The following NME7 variants were observed in gnomAD, a reference collection of about 807,000 sequenced individuals.
NME7 encodes NME/NM23 family member 7, also known as nucleoside diphosphate kinase 7.
A neutral mutation model predicts 49.1 loss-of-function variants in NME7; 41 were observed. The observed-to-expected ratio is 0.83, with a 90% CI of 0.65 to 1.08. NME7 has a LOEUF of 1.08. NME7 is among the 50% of genes least tolerant of loss of function. The probability of loss-of-function intolerance (pLI) is 0.00; values close to 1 mark genes in which losing one functional copy is unlikely to be tolerated. For synonymous variants in NME7, 139 were observed against 150.6 expected, an observed-to-expected ratio of 0.92 and a Z score of 0.56; for missense variants, 423 against 463.4, an observed-to-expected ratio of 0.91 and a Z score of 0.80.
At chr1:169,251,480 T>C (rs1350189403) in intron 7 of NME7, among the ~76,000 whole-genome samples, 4 of 152,018 alleles carry the variant, frequency 2.6e-5, no homozygotes, top group Non-Finnish European at 5.9e-5. Context: ...TTATATCCAA[T>C]GTTAATATTG....
chr1:169,299,257 A>G (rs1650833694), intron 5 of NME7, among the ~76,000 whole-genome samples: 1 of 141,940 alleles, frequency 7.0e-6, no homozygotes, highest in Non-Finnish European at 1.6e-5. Context: ...ATAAACACTG[A>G]GCTGGTTTGG....
chr1:169,348,286 T>C (rs1653016145), intron 1 of NME7, among the ~76,000 whole-genome samples: 1 of 152,050 alleles, frequency 6.6e-6, no homozygotes, highest in Non-Finnish European at 1.5e-5. Flanking sequence ...ACATTATTTT[T>C]ATTTTGTAGT....
intron 10 of NME7, among the ~76,000 whole-genome samples, chr1:169,175,051 A>C (rs1223169868): frequency 6.6e-6 from 1 of 151,834 alleles, no homozygotes; most frequent in Non-Finnish European, 1.5e-5. Context: ...TTAAAACACA[A>C]ACACATTGTA....
intron 10 of NME7, among the ~76,000 whole-genome samples, chr1:169,203,270 C>T (rs899939594): frequency 6.6e-6 from 1 of 152,222 alleles, no homozygotes; most frequent in South Asian, 2.1e-4. Flanking sequence ...GACACCCAGC[C>T]CTCAATGTTT....
chr1:169,339,600 G>A (rs2101959321), intron 1 of NME7, among the ~76,000 whole-genome samples: 1 of 152,264 alleles, frequency 6.6e-6, no homozygotes, highest in East Asian at 1.9e-4. Flanking sequence ...AACACACTGA[G>A]CCAAGTCTTG....
intron 1 of NME7, among the ~76,000 whole-genome samples, chr1:169,348,829 GA>G (rs1557834453): frequency 6.7e-6 from 1 of 150,170 alleles, no homozygotes; most frequent in Non-Finnish European, 1.5e-5. Flanking sequence ...ATATCCACTA[GA>G]AACTGAGTTT....
chr1:169,321,758 T>C (rs548570172), intron 3 of NME7, among the ~76,000 whole-genome samples: 1 of 152,214 alleles, frequency 6.6e-6, no homozygotes, highest in African/African-American at 2.4e-5. Context: ...GATATCATAT[T>C]ACTATAAGAG....
At chr1:169,351,107 C>A (rs1211885599) in intron 1 of NME7, among the ~76,000 whole-genome samples, 1 of 151,954 alleles carries the variant, frequency 6.6e-6, no homozygotes, top group Non-Finnish European at 1.5e-5. Context: ...TGCCCTACAA[C>A]TGGAATAAAA....
rs151122747 is a variant in NME7, at chr1:169,334,097, ATATCT to A, written c.4-9602_4-9598del. 1.2e-4 allele frequency among the ~76,000 whole-genome samples: 19 copies of A among 152,358 alleles called. No individual in the cohort carries two copies. In the East Asian group the frequency reaches 3.7e-3, roughly 29 times the overall value. On this transcript the variant is annotated intron_variant, in intron 1 of 11. Coordinates refer to ENST00000367811, the MANE Select transcript of NME7 (RefSeq NM_013330.5). Reference sequence around the variant, plus strand: ...GGATTCCATAATGCATGATGGAGAAATATCTTAAACTAACTAGAAGTCTTATTTTC... The same window carrying A: ...GGATTCCATAATGCATGATGGAGAAATAAACTAACTAGAAGTCTTATTTTC...
intron 11 of NME7, chr1:169,169,005 AGTC>A: frequency 2.3e-6 from 1 of 431,426 alleles, no homozygotes; most frequent in Non-Finnish European, 4.6e-6. Flanking sequence ...GTGATGGTAT[AGTC>A]ACCTGATATA....
chr1:169,151,284 T>G (rs1008413415), intron 11 of NME7, among the ~76,000 whole-genome samples: 2 of 151,854 alleles, frequency 1.3e-5, no homozygotes, highest in African/African-American at 4.8e-5. Context: ...CAGTCCTGAG[T>G]CCCGGGTGCT....
intron 9 of NME7, among the ~76,000 whole-genome samples, chr1:169,232,617 A>T (rs1647679455): frequency 6.6e-6 from 1 of 152,078 alleles, no homozygotes; most frequent in Admixed American, 6.5e-5. Context: ...GATGACAACA[A>T]TGATGACCAA....
At chr1:169,311,235 G>A (rs1409661110) in intron 3 of NME7, among the ~76,000 whole-genome samples, 2 of 151,740 alleles carry the variant, frequency 1.3e-5, no homozygotes, top group African/African-American at 2.4e-5. Flanking sequence ...TGGCTAACAC[G>A]GTGAAACCCC....
intron 11 of NME7, among the ~76,000 whole-genome samples, chr1:169,148,257 C>A (rs1658816803): frequency 1.3e-5 from 2 of 152,174 alleles, no homozygotes; most frequent in Non-Finnish European, 2.9e-5. Context: ...CCTGCCTTGG[C>A]CTCCCCAAGT....
intron 10 of NME7, among the ~76,000 whole-genome samples, chr1:169,220,709 T>G (rs1390448120): frequency 1.3e-5 from 2 of 152,204 alleles, no homozygotes; most frequent in Non-Finnish European, 2.9e-5. Context: ...CTTTCAATTT[T>G]CTTATGTTAA....
intron 11 of NME7, among the ~76,000 whole-genome samples, chr1:169,139,125 ACTTAGTCATAACAGTAACTT>A (rs1166753626): frequency 6.6e-6 from 1 of 152,194 alleles, no homozygotes; most frequent in Non-Finnish European, 1.5e-5. Context: ...CTCAGTGTGA[ACTTAGTCATAACAGTAACTT>A]CTTAGTCATA....
At chr1:169,257,845 A>C (rs1649018679) in intron 7 of NME7, among the ~76,000 whole-genome samples, 2 of 133,858 alleles carry the variant, frequency 1.5e-5, no homozygotes, top group Admixed American at 7.3e-5. Context: ...CTCTTTAAGA[A>C]GGCTAAAGAT....
intron 9 of NME7, 34 bp downstream of exon 9, chr1:169,235,097 A>G: frequency 8.2e-7 from 1 of 1,225,954 alleles, no homozygotes; most frequent in Non-Finnish European, 1.2e-6. Context: ...TTCACTTAAC[A>G]GTACAAATGT....
At chr1:169,166,045 G>T (rs1351017368) in intron 11 of NME7, among the ~76,000 whole-genome samples, 1 of 152,086 alleles carries the variant, frequency 6.6e-6, no homozygotes, top group African/African-American at 2.4e-5. Flanking sequence ...CAAACTACAG[G>T]CAGTAATAAT....
Sources: allele counts gnomAD v4.1 joint callset (sites outside exome capture counted in the v4.1 genomes callset), GRCh38; gene constraint gnomAD v4.1.1; transcripts MANE v1.5; gene names NCBI Gene and HGNC (gene_info 2026-07-23, HGNC 2026-07-21).